EVA1C: variants seen among roughly 807,000 people sequenced by gnomAD.
The protein encoded by EVA1C is eva-1 homolog C, also known as protein eva-1 homolog C.
In EVA1C, 25 loss-of-function variants were observed where a neutral mutation model predicts 45.4. That is an observed-to-expected ratio of 0.55 (90% CI 0.40 to 0.77). The LOEUF is 0.77. Among genes scored for constraint, EVA1C ranks in the 30% least tolerant of loss-of-function variants. The probability of loss-of-function intolerance (pLI) is 0.00; values close to 1 mark genes in which losing one functional copy is unlikely to be tolerated. For synonymous variants in EVA1C, 190 were observed against 221.2 expected, an observed-to-expected ratio of 0.86 and a Z score of 1.25; for missense variants, 479 against 554.8, an observed-to-expected ratio of 0.86 and a Z score of 1.37.
intron 1 of EVA1C, among the ~76,000 whole-genome samples, chr21:32,427,933 C>T (rs2034554857): frequency 6.6e-6 from 1 of 151,602 alleles, no homozygotes; most frequent in Non-Finnish European, 1.5e-5. Flanking sequence ...GTTTTCTTCC[C>T]TGGACCTTAA....
At chr21:32,444,770 C>T (rs1170721662) in intron 1 of EVA1C, among the ~76,000 whole-genome samples, 1 of 150,712 alleles carries the variant, frequency 6.6e-6, no homozygotes, top group Non-Finnish European at 1.5e-5. Context: ...AGGGACCAGT[C>T]CCCATCCTGA....
intron 5 of EVA1C, among the ~76,000 whole-genome samples, chr21:32,500,322 G>C (rs557527270): frequency 9.8e-5 from 14 of 142,958 alleles, no homozygotes; most frequent in African/African-American, 3.1e-4. Flanking sequence ...GCTAATTTTT[G>C]TATCTTTTAG....
rs1007473160 is a variant in EVA1C, at chr21:32,515,359, A to G, written c.*169A>G. The G allele has an allele frequency of 3.5e-6, 2 of 566,062 alleles. No homozygotes were observed. The highest frequency in any genetic ancestry group is 1.9e-5 in the African/African-American group (1 of 53,692). The allele number at this position is 566,062 out of a possible 1,614,324, so 35.1% of individuals were successfully genotyped here. A position where few individuals can be genotyped will look rare whatever the true frequency, so the allele number is the denominator to read the frequency against. ...GGATGTTTCAAGCTGTTTCTAGCAC[A>G]TTCCAAAATAAATGAGGAGGGAAGA... On this transcript the variant is annotated 3_prime_UTR_variant, in exon 8 of 8. Coordinates refer to ENST00000300255, the MANE Select transcript of EVA1C (RefSeq NM_058187.5).
At chr21:32,506,467 T>TGACC (rs2037725510) in intron 7 of EVA1C, among the ~76,000 whole-genome samples, 1 of 151,978 alleles carries the variant, frequency 6.6e-6, no homozygotes, top group Non-Finnish European at 1.5e-5. Flanking sequence ...TAGCAAACCA[T>TGACC]GACCACGCCT....
rs1555859600 is a variant in EVA1C at position 32,458,481 on chromosome 21, A to ATTTTT, written c.481+761_481+762insTTTTT. Among the ~76,000 whole-genome samples, 8 of 141,138 alleles carry ATTTTT rather than the reference A, an allele frequency of 5.7e-5. 1 individual carries two copies. Among genetic ancestry groups the ATTTTT allele is most frequent in the African/African-American group, 1.1e-4 (4 of 37,534 alleles). 92.6% of individuals were successfully genotyped at this position (141,138 alleles called of 152,430 possible). A position where few individuals can be genotyped will look rare whatever the true frequency, so the allele number is the denominator to read the frequency against. ...TAACCAAAAAAATGAGAAGTTAAGCACTTTTTTTTTTTTTTTTTGAGACAG... is the reference window on the plus strand; with the variant it reads ...TAACCAAAAAAATGAGAAGTTAAGCATTTTTCTTTTTTTTTTTTTTTTTGAGACAG... On this transcript the variant is annotated intron_variant, in intron 3 of 7. Transcript: ENST00000300255.
chr21:32,427,502 C>T lies in EVA1C; in HGVS notation c.160+14489C>T, dbSNP rs141291024. 6.8e-3 allele frequency among the ~76,000 whole-genome samples: 1,023 copies of T among 151,286 alleles called. 14 individuals carry two copies. Among genetic ancestry groups the T allele is most frequent in the African/African-American group, 0.023 (962 of 41,160 alleles). ...GGCTGAGGCGGAAAGATCACGAGGT[C>T]AAGAGGTTGAGATCATCCTGGCCAA... On this transcript the variant is annotated intron_variant, in intron 1 of 7. Coordinates refer to ENST00000300255, the MANE Select transcript of EVA1C (RefSeq NM_058187.5).
Position 32,452,312 on chromosome 21 carries a change from A to G in EVA1C, c.161-1000A>G, listed in dbSNP as rs1165593556. ...CCAGACCGAGGTTTCTGACCCAGACATTGAAACAGGAGGAGTTCCCTTATC... is the reference window on the plus strand; with the variant it reads ...CCAGACCGAGGTTTCTGACCCAGACGTTGAAACAGGAGGAGTTCCCTTATC... On this transcript the variant is annotated intron_variant, in intron 1 of 7. Coordinates refer to ENST00000300255, the MANE Select transcript of EVA1C (RefSeq NM_058187.5). This position sits in a 1 kb window ranked among gnomAD's most constrained non-coding sequence, Gnocchi z 4.0. The G allele has an allele frequency of 1.3e-5, 2 of 152,288 alleles. No homozygotes were observed. The highest frequency in any genetic ancestry group is 6.5e-5 in the Admixed American group (1 of 15,278). The allele number at this position is 152,288 out of a possible 1,614,324, so 9.4% of individuals were successfully genotyped here.
chr21:32,456,217 T>G (rs2035777392), intron 2 of EVA1C, among the ~76,000 whole-genome samples: 1 of 152,166 alleles, frequency 6.6e-6, no homozygotes, highest in Non-Finnish European at 1.5e-5. Flanking sequence ...TAAGCTGCAC[T>G]CGGAGCACAG....
chr21:32,491,860 G>A (rs1235073548), intron 4 of EVA1C, among the ~76,000 whole-genome samples: 1 of 151,936 alleles, frequency 6.6e-6, no homozygotes. Flanking sequence ...TGGAGTCAAA[G>A]GTGGCTGGAA....
At position 32,492,511 on chromosome 21, in the gene EVA1C, A is replaced by C. The variant is rs182235331; in HGVS notation, c.635-2516A>C. Reference sequence around the variant, plus strand: ...TAGAGGGTAGAGGAGTTTGTCATCTATAAGACGTGAGCAGACATGCACAGG... The same window carrying C: ...TAGAGGGTAGAGGAGTTTGTCATCTCTAAGACGTGAGCAGACATGCACAGG... On this transcript the variant is annotated intron_variant, in intron 4 of 7. Coordinates refer to ENST00000300255, the MANE Select transcript of EVA1C (RefSeq NM_058187.5). 6.6e-5 allele frequency among the ~76,000 whole-genome samples: 10 copies of C among 152,170 alleles called. No homozygotes were observed. The South Asian group carries it at 1.5e-3, about 22-fold the overall frequency.
At chr21:32,451,137 GA>G (rs1427887408) in intron 1 of EVA1C, among the ~76,000 whole-genome samples, 8 of 152,188 alleles carry the variant, frequency 5.3e-5, no homozygotes, top group African/African-American at 1.9e-4. Context: ...CAGGGAGCTG[GA>G]TTGGGCGCCT....
chr21:32,451,145 G>C (rs754880190), intron 1 of EVA1C, among the ~76,000 whole-genome samples: 2 of 152,120 alleles, frequency 1.3e-5, no homozygotes, highest in African/African-American at 4.8e-5. Context: ...TGGATTGGGC[G>C]CCTGGATTTT....
intron 1 of EVA1C, among the ~76,000 whole-genome samples, chr21:32,439,933 C>T (rs2035111535): frequency 6.6e-6 from 1 of 152,072 alleles, no homozygotes; most frequent in Non-Finnish European, 1.5e-5. Context: ...CAAATAAGTG[C>T]CCTCAAGCCT....
intron 7 of EVA1C, among the ~76,000 whole-genome samples, chr21:32,505,492 T>A (rs1418668094): frequency 6.6e-6 from 1 of 152,212 alleles, no homozygotes; most frequent in East Asian, 1.9e-4. Context: ...GAGACCGACA[T>A]TGCGCTCAGT....
intron 4 of EVA1C, among the ~76,000 whole-genome samples, chr21:32,487,797 G>A (rs1242892201): frequency 6.6e-6 from 1 of 151,540 alleles, no homozygotes; most frequent in Non-Finnish European, 1.5e-5. Flanking sequence ...ACCTTGCCGT[G>A]TGCATCTCTA....
chr21:32,445,242 T>C (rs112848531), intron 1 of EVA1C, among the ~76,000 whole-genome samples: 3 of 152,286 alleles, frequency 2.0e-5, no homozygotes, highest in African/African-American at 4.8e-5. Context: ...ACGTAAACAA[T>C]AGTGCAGAGG....
intron 1 of EVA1C, among the ~76,000 whole-genome samples, chr21:32,442,996 GGGAA>G (rs1226509380): frequency 7.5e-6 from 1 of 134,122 alleles, no homozygotes; most frequent in Non-Finnish European, 1.6e-5. Flanking sequence ...GAGGGAGGGA[GGGAA>G]GGAGGGAGGG....
At chr21:32,497,809 C>T (rs1482009596) in intron 5 of EVA1C, among the ~76,000 whole-genome samples, 1 of 152,040 alleles carries the variant, frequency 6.6e-6, no homozygotes, top group African/African-American at 2.4e-5. Context: ...ATGCGGATGG[C>T]GGCAGGCAAA....
chr21:32,442,982 AAGGGAGGG>A (rs1028519386), intron 1 of EVA1C, among the ~76,000 whole-genome samples: 2 of 119,264 alleles, frequency 1.7e-5, no homozygotes, highest in African/African-American at 6.2e-5. Context: ...GAAGGGAAGG[AAGGGAGGG>A]AGGGAGGGAA....
Sources: gnomAD v4.1 joint callset for allele counts (sites outside exome capture counted in the v4.1 genomes callset) on GRCh38, gnomAD v4.1.1 for gene constraint, Gnocchi (gnomAD v3.1) non-coding constraint, MANE v1.5 for transcripts, NCBI Gene and HGNC (gene_info 2026-07-23, HGNC 2026-07-21) for gene names.